Variants in CDC73 observed in about 807,000 individuals in gnomAD.
The protein encoded by CDC73 is parafibromin.
A neutral mutation model predicts 83.7 loss-of-function variants in CDC73; 21 were observed. That is an observed-to-expected ratio of 0.25 (90% CI 0.18 to 0.36). The LOEUF is 0.36. Ranked by LOEUF, CDC73 falls within the 10% of genes least tolerant of loss-of-function variation. The pLI is 1.00. For missense variants in CDC73, 342 were observed against 653.3 expected (o/e 0.52, Z 5.19); for synonymous variants, 224 against 212.9 (o/e 1.05, Z -0.45).
At chr1:193,126,680 C>G (rs935707742) in intron 2 of CDC73, among the ~76,000 whole-genome samples, 1 of 152,084 alleles carries the variant, frequency 6.6e-6, no homozygotes, top group African/African-American at 2.4e-5. Context: ...CTTTTGCTTA[C>G]AAGTATACAC....
intron 15 of CDC73, among the ~76,000 whole-genome samples, chr1:193,247,412 C>CT (rs1677972513): frequency 6.6e-6 from 1 of 151,988 alleles, no homozygotes; most frequent in African/African-American, 2.4e-5. Flanking sequence ...TCAGGCCTCT[C>CT]TTTTTCCTGA....
chr1:193,179,175 G>A (rs755428680), intron 10 of CDC73: 2 of 152,130 alleles, frequency 1.3e-5, no homozygotes, highest in Non-Finnish European at 2.9e-5. Context: ...TTTAATTGGT[G>A]ATTCAGAATA....
intron 14 of CDC73, 112 bp downstream of exon 14, chr1:193,233,266 G>A: frequency 1.0e-6 from 1 of 972,064 alleles, no homozygotes; most frequent in East Asian, 2.5e-5. Flanking sequence ...TCACTATGTT[G>A]CCTAGGCAGA....
chr1:193,189,099 G>A (rs1462675194), intron 10 of CDC73, among the ~76,000 whole-genome samples: 5 of 151,900 alleles, frequency 3.3e-5, no homozygotes, highest in African/African-American at 4.8e-5. Context: ...GATTACAGGC[G>A]TGTGCCACCA....
At chr1:193,131,826 C>G (rs1373347989) in intron 3 of CDC73, among the ~76,000 whole-genome samples, 1 of 152,166 alleles carries the variant, frequency 6.6e-6, no homozygotes, top group Non-Finnish European at 1.5e-5. Context: ...CTTCTCTGAC[C>G]ACTCTTATCG....
At chr1:193,195,747 C>G (rs1257849054) in intron 10 of CDC73, among the ~76,000 whole-genome samples, 1 of 151,976 alleles carries the variant, frequency 6.6e-6, no homozygotes, top group Non-Finnish European at 1.5e-5. Flanking sequence ...TTTGCTGTTC[C>G]CTAACGATTA....
chr1:193,213,175 CTA>C (rs1299248682), intron 13 of CDC73, among the ~76,000 whole-genome samples: 1 of 152,088 alleles, frequency 6.6e-6, no homozygotes, highest in Non-Finnish European at 1.5e-5. Context: ...AATATTGTGA[CTA>C]TTTTTAAATC....
At chr1:193,228,141 A>C (rs1677595757) in intron 13 of CDC73, among the ~76,000 whole-genome samples, 1 of 152,112 alleles carries the variant, frequency 6.6e-6, no homozygotes, top group African/African-American at 2.4e-5. Flanking sequence ...ATATACAGTT[A>C]TTTTTCATGA....
chr1:193,180,951 T>C, intron 10 of CDC73: 1 of 1,613,594 alleles, frequency 6.2e-7, no homozygotes. Context: ...CTTCCAGTAT[T>C]GCACGTTGAA....
At chr1:193,250,001 A>G (rs1431961353) in intron 16 of CDC73, 130 bp downstream of exon 16, 1 of 828,102 alleles carries the variant, frequency 1.2e-6, no homozygotes, top group Admixed American at 1.9e-5. Flanking sequence ...CTTGATGCTT[A>G]TCTTCAGTAC....
Position 193,253,304 on chromosome 1 carries a change from A to C in CDC73, c.*2592A>C. 2 of 232,482 alleles carry C rather than the reference A, an allele frequency of 8.6e-6. No homozygotes were observed. Among genetic ancestry groups the C allele is most frequent in the Non-Finnish European group, 1.7e-5 (2 of 117,566 alleles). The allele number at this position is 232,482 out of a possible 1,614,324, so 14.4% of individuals were successfully genotyped here. ...AGTTCTCCAGGTAATTTGAATGTGC[A>C]GGAAGGATTCAGAATCACTGGTTTA... On this transcript the variant is annotated 3_prime_UTR_variant, in exon 17 of 17. Coordinates refer to ENST00000367435, the MANE Select transcript of CDC73 (RefSeq NM_024529.5).
At chr1:193,180,281 A>C in intron 10 of CDC73, 1 of 1,534,264 alleles carries the variant, frequency 6.5e-7, no homozygotes, top group Non-Finnish European at 8.8e-7. Context: ...CATTTGAAAA[A>C]AAATTGTCTT....
intron 15 of CDC73, among the ~76,000 whole-genome samples, chr1:193,248,074 A>G (rs1035050611): frequency 6.6e-6 from 1 of 152,126 alleles, no homozygotes; most frequent in African/African-American, 2.4e-5. Flanking sequence ...GTTGCAGAGA[A>G]GGCTGTGCTT....
intron 10 of CDC73, among the ~76,000 whole-genome samples, chr1:193,166,172 T>C (rs1470285627): frequency 6.6e-6 from 1 of 151,654 alleles, no homozygotes; most frequent in Non-Finnish European, 1.5e-5. Flanking sequence ...TTTTTTTTTC[T>C]TTCTTTCTTT....
intron 14 of CDC73, 147 bp from the exon 15 acceptor site, chr1:193,236,109 G>A: frequency 1.4e-6 from 1 of 738,264 alleles, no homozygotes; most frequent in Non-Finnish European, 2.5e-6. Flanking sequence ...GGTAAGTACT[G>A]TATTTGCTTC....
At chr1:193,220,762 T>G (rs1677456064) in intron 13 of CDC73, among the ~76,000 whole-genome samples, 1 of 152,186 alleles carries the variant, frequency 6.6e-6, no homozygotes, top group Non-Finnish European at 1.5e-5. Context: ...CTGGCAGATG[T>G]GAGTTTTTTG....
At position 193,136,312 on chromosome 1, in the gene CDC73, T is replaced by A. The variant is rs1180788614; in HGVS notation, c.423+723T>A. 2.6e-5 allele frequency among the ~76,000 whole-genome samples: 4 copies of A among 152,282 alleles called. 1 individual carries two copies. In the South Asian group the frequency reaches 8.3e-4, roughly 32 times the overall value. ...TTTGCCTACCTTTGGAACAATGTGTTATGGGTGCTTGCTTTACTGCTCAGA... is the reference window on the plus strand; with the variant it reads ...TTTGCCTACCTTTGGAACAATGTGTAATGGGTGCTTGCTTTACTGCTCAGA... On this transcript the variant is annotated intron_variant, in intron 5 of 16. Coordinates refer to ENST00000367435, the MANE Select transcript of CDC73 (RefSeq NM_024529.5).
At chr1:193,227,826 A>G (rs1233843478) in intron 13 of CDC73, among the ~76,000 whole-genome samples, 2 of 152,188 alleles carry the variant, frequency 1.3e-5, no homozygotes, top group Non-Finnish European at 2.9e-5. Flanking sequence ...GATTTGTTCA[A>G]ATTTCTTGTG....
At chr1:193,188,718 A>G (rs1676866321) in intron 10 of CDC73, among the ~76,000 whole-genome samples, 1 of 151,864 alleles carries the variant, frequency 6.6e-6, no homozygotes, top group South Asian at 2.1e-4. Context: ...ATTATTATAG[A>G]TTTTGATTAT....
Sources: gnomAD v4.1 joint callset for allele counts (sites outside exome capture counted in the v4.1 genomes callset) on GRCh38, gnomAD v4.1.1 for gene constraint, MANE v1.5 for transcripts, NCBI Gene and HGNC (gene_info 2026-07-23, HGNC 2026-07-21) for gene names.